PCDH15: variants seen among roughly 807,000 people sequenced by gnomAD.
PCDH15 encodes the protein protocadherin related 15.
A neutral mutation model predicts 178.5 loss-of-function variants in PCDH15; 129 were observed. The observed-to-expected ratio is 0.72, with a 90% CI of 0.63 to 0.84. PCDH15 has a LOEUF of 0.84. Among genes scored for constraint, PCDH15 ranks in the 40% least tolerant of loss-of-function variants. The pLI, the probability that PCDH15 is intolerant of heterozygous loss-of-function variation, is 0.00. For synonymous variants in PCDH15, 800 were observed against 732.0 expected (o/e 1.09, Z -1.50); for missense variants, 2,230 against 2,099.9 (o/e 1.06, Z -1.21).
chr10:54,011,274 C>T (rs1438684476), intron 20 of PCDH15, among the ~76,000 whole-genome samples: 1 of 152,202 alleles, frequency 6.6e-6, no homozygotes, highest in African/African-American at 2.4e-5. Context: ...GCTTTAGCCA[C>T]ACCTCCAGAC....
chr10:53,841,156 C>T (rs1180151897), intron 28 of PCDH15, among the ~76,000 whole-genome samples: 1 of 152,064 alleles, frequency 6.6e-6, no homozygotes, highest in Non-Finnish European at 1.5e-5. Context: ...AGTAATTTTC[C>T]CATCTCATGA....
chr10:55,362,644 G>T (rs1348779745), intron 2 of PCDH15, among the ~76,000 whole-genome samples: 1 of 147,538 alleles, frequency 6.8e-6, no homozygotes, highest in South Asian at 2.1e-4. Flanking sequence ...ACATGCACTC[G>T]TGTGTGTGTG....
At chr10:53,952,400 C>T (rs1460506384) in intron 23 of PCDH15, among the ~76,000 whole-genome samples, 3 of 152,168 alleles carry the variant, frequency 2.0e-5, no homozygotes, top group Non-Finnish European at 4.4e-5. Context: ...CCCTCAGTGG[C>T]GAGGAGACCC....
chr10:54,263,411 C>A (rs1043376707), intron 8 of PCDH15, among the ~76,000 whole-genome samples: 2 of 152,124 alleles, frequency 1.3e-5, no homozygotes, highest in African/African-American at 4.8e-5. Flanking sequence ...TGCACTGTTG[C>A]GGATGCAGCA....
intron 2 of PCDH15, among the ~76,000 whole-genome samples, chr10:54,923,628 A>G (rs1481268671): frequency 7.2e-6 from 1 of 137,966 alleles, no homozygotes; most frequent in East Asian, 2.0e-4. Flanking sequence ...CAGATACCCT[A>G]GATTATCTCT....
intron 2 of PCDH15, among the ~76,000 whole-genome samples, chr10:54,549,656 C>T (rs553886815): frequency 8.6e-5 from 13 of 151,278 alleles, no homozygotes; most frequent in African/African-American, 1.2e-4. Context: ...AAACCTATAC[C>T]TTTGGTATAG....
At chr10:54,821,539 A>G (rs988760300) in intron 3 of PCDH15, among the ~76,000 whole-genome samples, 2 of 152,122 alleles carry the variant, frequency 1.3e-5, no homozygotes, top group African/African-American at 4.8e-5. Flanking sequence ...ATATAGAAAA[A>G]ATATTTTTTA....
chr10:53,869,699 T>C (rs1029713766), intron 26 of PCDH15, among the ~76,000 whole-genome samples: 5 of 151,958 alleles, frequency 3.3e-5, no homozygotes, highest in African/African-American at 1.2e-4. Flanking sequence ...ACCAACACTT[T>C]GGGAGGCTAA....
At chr10:55,270,226 G>A (rs1296699080) in intron 1 of PCDH15, among the ~76,000 whole-genome samples, 1 of 152,092 alleles carries the variant, frequency 6.6e-6, no homozygotes, top group Non-Finnish European at 1.5e-5. Flanking sequence ...ATTGGCTTTG[G>A]CAAAGAGTTT....
At chr10:54,914,857 T>C (rs545278929) in intron 2 of PCDH15, among the ~76,000 whole-genome samples, 5 of 152,312 alleles carry the variant, frequency 3.3e-5, no homozygotes, top group East Asian at 1.9e-4. Context: ...TGCTCACAGA[T>C]GGTAAGTGTC....
intron 2 of PCDH15, among the ~76,000 whole-genome samples, chr10:55,165,665 T>C (rs75165615): frequency 0.23 from 34,702 of 151,828 alleles, 4,160 homozygotes; most frequent in Middle Eastern, 0.3. Context: ...AGAGAGTTTT[T>C]TCATTTTTTC....
chr10:54,434,253 T>A (rs7082144), intron 3 of PCDH15, among the ~76,000 whole-genome samples: 4,962 of 148,552 alleles, frequency 0.033, 280 homozygotes, highest in African/African-American at 0.12. Flanking sequence ...GAAGAAAAAA[T>A]TAATAAATTT....
upstream of PCDH15, among the ~76,000 whole-genome samples, chr10:55,320,468 C>T (rs955741803): frequency 1.8e-4 from 27 of 152,250 alleles, no homozygotes; most frequent in African/African-American, 3.9e-4. Flanking sequence ...TGCCATGTTG[C>T]CCACTGCTGG....
rs2123995 is a variant in PCDH15, at chr10:54,927,037, T to A, written c.-79-29537A>T. Among the ~76,000 whole-genome samples, 10 of 152,182 alleles carry A rather than the reference T, an allele frequency of 6.6e-5. No homozygotes were observed. In the East Asian group the frequency reaches 1.9e-3, roughly 29 times the overall value. On this transcript the variant is annotated intron_variant, in intron 2 of 5. Coordinates refer to the PCDH15 transcript ENST00000458638. The stretch of plus-strand genomic sequence containing the variant: ...TTCTTTTCGTCATGATGTTAGGTAG[T>A]TAAAATGAGATCTTTCCAACTTTTT...
chr10:53,823,509 A>C, intron 32 of PCDH15: 1 of 823,894 alleles, frequency 1.2e-6, no homozygotes, highest in East Asian at 2.4e-5. Flanking sequence ...ACATTATTTT[A>C]ATTCCCTGCT....
chr10:53,807,896 TAGCAAG>T (rs1841305865), intron 37 of PCDH15, among the ~76,000 whole-genome samples: 3 of 152,132 alleles, frequency 2.0e-5, no homozygotes, highest in Admixed American at 2.0e-4. Flanking sequence ...ACATTAAAAA[TAGCAAG>T]AAGCAAGGGT....
intron 3 of PCDH15, among the ~76,000 whole-genome samples, chr10:54,518,865 G>A (rs1344880738): frequency 1.3e-5 from 2 of 152,184 alleles, no homozygotes; most frequent in South Asian, 2.1e-4. Flanking sequence ...TATGCACCAT[G>A]ATCAAGTGGG....
chr10:54,774,186 A>G (rs1362262766), intron 1 of PCDH15, among the ~76,000 whole-genome samples: 1 of 151,164 alleles, frequency 6.6e-6, no homozygotes, highest in African/African-American at 2.4e-5. Context: ...CTGCCACCAC[A>G]CCCAGCTAAT....
chr10:55,110,715 G>C (rs1382825764), intron 2 of PCDH15, among the ~76,000 whole-genome samples: 2 of 151,006 alleles, frequency 1.3e-5, no homozygotes, highest in Non-Finnish European at 1.5e-5. Context: ...ATATAATTCT[G>C]ACCTAAAAAG....
Sources: gnomAD v4.1 joint callset for allele counts (sites outside exome capture counted in the v4.1 genomes callset) on GRCh38, gnomAD v4.1.1 for gene constraint, MANE v1.5 for transcripts, NCBI Gene and HGNC (gene_info 2026-07-23, HGNC 2026-07-21) for gene names.